Variants in STX11 observed in about 807,000 individuals in gnomAD.
STX11 encodes syntaxin 11.
STX11 carries 21 observed loss-of-function variants against 19.9 expected under a neutral mutation model. That is an observed-to-expected ratio of 1.06 (90% CI 0.75 to 1.52). The LOEUF (loss-of-function observed/expected upper bound fraction) is 1.52, where lower values mean the gene tolerates loss of function less well. Ranked by LOEUF, STX11 falls within the 40% of genes most tolerant of loss-of-function variation. The pLI is 0.00. For missense variants in STX11, 438 were observed against 405.9 expected, an observed-to-expected ratio of 1.08 and a Z score of -0.68; for synonymous variants, 193 against 174.4, an observed-to-expected ratio of 1.11 and a Z score of -0.84.
At chr6:144,168,569 A>G (rs77790824) in intron 1 of STX11, among the ~76,000 whole-genome samples, 4,787 of 152,290 alleles carry the variant, frequency 0.031, 97 homozygotes, top group Non-Finnish European at 0.047. Flanking sequence ...TATTTTTTGC[A>G]TATGTAAGGA....
intron 1 of STX11, among the ~76,000 whole-genome samples, chr6:144,156,101 A>C (rs1395122225): frequency 1.1e-5 from 1 of 92,526 alleles, no homozygotes; most frequent in Non-Finnish European, 2.0e-5. Flanking sequence ...TTTCCCTTTT[A>C]TTGCACAGGC....
chr6:144,172,459 C>T lies in STX11; in HGVS notation c.-5-14164C>T, dbSNP rs1003003169. 6.6e-6 allele frequency among the ~76,000 whole-genome samples: 1 copy of T among 152,122 alleles called. No homozygotes were observed. The highest frequency in any genetic ancestry group is 1.5e-5 in the Non-Finnish European group (1 of 68,028). On this transcript the variant is annotated intron_variant, in intron 1 of 1. Transcript: ENST00000367568. This position sits in a 1 kb window ranked among gnomAD's most constrained non-coding sequence, Gnocchi z 4.2. ...AGTGCTGTTGAAGCCTCTGCTTGCT[C>T]CATGTTTCCTCCCATCCTCTTGGTC...
chr6:144,168,169 T>G (rs1801531486), intron 1 of STX11, among the ~76,000 whole-genome samples: 2 of 152,238 alleles, frequency 1.3e-5, no homozygotes, highest in Non-Finnish European at 2.9e-5. Flanking sequence ...CAGTAATAGT[T>G]GAGGGACCAG....
chr6:144,167,422 C>T lies in STX11; in HGVS notation c.-6+16719C>T, dbSNP rs1372990031. On this transcript the variant is annotated intron_variant, in intron 1 of 1. Transcript: ENST00000367568. The surrounding 1 kb of genome is among the most constrained non-coding windows in gnomAD (Gnocchi z 5.0). ...TTTCATATATACCTATACACATAGC[C>T]TGAAGATAATTGTATACAATGTTTT... 6.6e-6 allele frequency among the ~76,000 whole-genome samples: 1 copy of T among 152,104 alleles called. No individual in the cohort carries two copies. The highest frequency in any genetic ancestry group is 1.5e-5 in the Non-Finnish European group (1 of 68,026).
chr6:144,149,561 TG>T (rs529769650), upstream of STX11, among the ~76,000 whole-genome samples: 160 of 152,158 alleles, frequency 1.1e-3, no homozygotes, highest in Non-Finnish European at 2.0e-3. The surrounding 1 kb of genome is among the most constrained non-coding windows in gnomAD (Gnocchi z 5.1). Context: ...ACTGCATCCT[TG>T]ACCTCTCAGC....
In STX11 at chr6:144,187,208, T is replaced by C. The variant is rs371929203; in HGVS notation, c.581T>C (p.Leu194Pro). 6.2e-7 allele frequency: 1 copy of C among 1,613,820 alleles called. No individual in the cohort carries two copies. Among genetic ancestry groups the C allele is most frequent in the Non-Finnish European group, 8.5e-7 (1 of 1,179,984 alleles). ...GKWDVFSENL[L>P]ADVKGARAAL... The stretch of plus-strand genomic sequence containing the variant: ...TGGGACGTGTTTTCCGAGAACTTGC[T>C]GGCCGACGTGAAGGGCGCGCGGGCC... The change falls in exon 2 of 2, where the codon CTG (leucine) becomes CCG (proline). Residue 194 changes from leucine (L) to proline (P), a missense_variant. Leu to Pro is a moderately conservative substitution (Grantham distance 98). Coordinates refer to ENST00000367568, the MANE Select transcript of STX11 (RefSeq NM_003764.4). The surrounding 1 kb of genome is among the most constrained non-coding windows in gnomAD (Gnocchi z 5.6).
In STX11 at chr6:144,180,298, G is replaced by A. The variant is rs1356424676; in HGVS notation, c.-5-6325G>A. 6.6e-6 allele frequency among the ~76,000 whole-genome samples: 1 copy of A among 152,178 alleles called. No individual in the cohort carries two copies. Among genetic ancestry groups the A allele is most frequent in the Non-Finnish European group, 1.5e-5 (1 of 68,028 alleles). ...CTTTAAATAATTCCCTTAGAGGCAT[G>A]TTGGGAACAATGACTTTCACAATTG... On this transcript the variant is annotated intron_variant, in intron 1 of 1. Transcript: ENST00000367568. This position sits in a 1 kb window ranked among gnomAD's most constrained non-coding sequence, Gnocchi z 5.3.
At position 144,175,202 on chromosome 6, in the gene STX11, C is replaced by T. The variant is rs1801748229; in HGVS notation, c.-5-11421C>T. Among the ~76,000 whole-genome samples, 1 of 151,094 alleles carries T rather than the reference C, an allele frequency of 6.6e-6. No homozygotes were observed. Among genetic ancestry groups the T allele is most frequent in the African/African-American group, 2.4e-5 (1 of 40,996 alleles). On this transcript the variant is annotated intron_variant, in intron 1 of 1. Coordinates refer to ENST00000367568, the MANE Select transcript of STX11 (RefSeq NM_003764.4). This position sits in a 1 kb window ranked among gnomAD's most constrained non-coding sequence, Gnocchi z 5.1. The stretch of plus-strand genomic sequence containing the variant: ...AGGCTGCAGTGAGCCATGATTGTGC[C>T]ACTGTACTCCAGCCTGGGCAACAGA...
At position 144,188,023 on chromosome 6, in the gene STX11, T is replaced by C. The variant is rs1478143546; in HGVS notation, c.*532T>C. On this transcript the variant is annotated 3_prime_UTR_variant, in exon 2 of 2. Coordinates refer to ENST00000367568, the MANE Select transcript of STX11 (RefSeq NM_003764.4). ...ACGCTATGCAATTCCTCCCCAAATA[T>C]AGATCTTATTTCTGCTCATTTCCCC... is the stretch of plus-strand genomic sequence containing the variant. The C allele has an allele frequency of 4.0e-6, 1 of 248,480 alleles. No individual in the cohort carries two copies. The allele number at this position is 248,480 out of a possible 1,614,324, so 15.4% of individuals were successfully genotyped here.
chr6:144,140,072 C>A, the STX11 span, among the ~76,000 whole-genome samples: 1 of 151,414 alleles, frequency 6.6e-6, no homozygotes, highest in African/African-American at 2.4e-5. Context: ...CTGACAGGAA[C>A]ATCCGTCAGC....
intron 1 of STX11, among the ~76,000 whole-genome samples, chr6:144,158,026 G>A (rs1801221054): frequency 6.6e-6 from 1 of 151,806 alleles, no homozygotes; most frequent in African/African-American, 2.4e-5. Flanking sequence ...AAAGTCCAGG[G>A]CCCCATTCTA....
chr6:144,183,485 A>G lies in STX11; in HGVS notation c.-5-3138A>G, dbSNP rs1801956860. ...ATGTCAAAACAAATGCACACTTGAAAAGCTTTTGATACATATTACTAAACT... is the reference window on the plus strand; with the variant it reads ...ATGTCAAAACAAATGCACACTTGAAGAGCTTTTGATACATATTACTAAACT... On this transcript the variant is annotated intron_variant, in intron 1 of 1. Transcript: ENST00000367568. The surrounding 1 kb of genome is among the most constrained non-coding windows in gnomAD (Gnocchi z 4.6). Among the ~76,000 whole-genome samples the G allele has an allele frequency of 6.6e-6, 1 of 152,242 alleles. No homozygotes were observed. Among genetic ancestry groups the G allele is most frequent in the Admixed American group, 6.5e-5 (1 of 15,294 alleles).
rs1043845063 is a variant in STX11, at chr6:144,175,302, A to G, written c.-5-11321A>G. Among the ~76,000 whole-genome samples the G allele has an allele frequency of 1.3e-5, 2 of 152,224 alleles. No homozygotes were observed. The highest frequency in any genetic ancestry group is 4.8e-5 in the African/African-American group (2 of 41,454). ...GTAGTTATCATTTGTTGAAGTCTCA[A>G]TATATGCTACTCTCATGAAAATGCT... On this transcript the variant is annotated intron_variant, in intron 1 of 1. Coordinates refer to ENST00000367568, the MANE Select transcript of STX11 (RefSeq NM_003764.4). This position sits in a 1 kb window ranked among gnomAD's most constrained non-coding sequence, Gnocchi z 5.1.
rs757373115 is a variant in STX11, at chr6:144,155,982, CTT to C, written c.-6+5281_-6+5282del. The stretch of plus-strand genomic sequence containing the variant: ...TCTTTCTTTCTTTCTTTCTTTCTTT[CTT>C]TCTTTCTTTCTTTCTTTCTTTCTTT... On this transcript the variant is annotated intron_variant, in intron 1 of 1. Transcript: ENST00000367568. This position sits in a 1 kb window ranked among gnomAD's most constrained non-coding sequence, Gnocchi z 4.5. Among the ~76,000 whole-genome samples, 108 of 131,352 alleles carry C rather than the reference CTT, an allele frequency of 8.2e-4. 2 individuals carry two copies. In the East Asian group the frequency reaches 0.012, roughly 15 times the overall value. The allele number at this position is 131,352 out of a possible 152,430, so 86.2% of individuals were successfully genotyped here. A position where few individuals can be genotyped will look rare whatever the true frequency, so the allele number is the denominator to read the frequency against.
In STX11 at chr6:144,172,884, TA is replaced by T. The variant is rs58005170; in HGVS notation, c.-5-13727del. Among the ~76,000 whole-genome samples the T allele has an allele frequency of 0.13, 18,079 of 144,250 alleles. 1,749 individuals carry two copies. The highest frequency in any genetic ancestry group is 0.46 in the East Asian group (2,321 of 5,022). 94.6% of individuals were successfully genotyped at this position (144,250 alleles called of 152,430 possible). On this transcript the variant is annotated intron_variant, in intron 1 of 1. Coordinates refer to ENST00000367568, the MANE Select transcript of STX11 (RefSeq NM_003764.4). This position sits in a 1 kb window ranked among gnomAD's most constrained non-coding sequence, Gnocchi z 4.2. Reference sequence around the variant, plus strand: ...GGATAACAAAAGTAGACACCCCATTTAAAAAAAAAAAAGAGCCATTAACAGG... The same window carrying T: ...GGATAACAAAAGTAGACACCCCATTTAAAAAAAAAAAGAGCCATTAACAGG...
rs1801261872 is a variant in STX11 at position 144,159,201 on chromosome 6, C to G, written c.-6+8498C>G. Among the ~76,000 whole-genome samples, 1 of 152,162 alleles carries G rather than the reference C, an allele frequency of 6.6e-6. No individual in the cohort carries two copies. Among genetic ancestry groups the G allele is most frequent in the Admixed American group, 6.5e-5 (1 of 15,268 alleles). ...CTATTTATCGAGGCTTTCCTATATG[C>G]CGGGTGCTCTGGAGTAAATGGTGCA... On this transcript the variant is annotated intron_variant, in intron 1 of 1. Transcript: ENST00000367568. This position sits in a 1 kb window ranked among gnomAD's most constrained non-coding sequence, Gnocchi z 4.3.
Position 144,175,857 on chromosome 6 carries a change from G to A in STX11, c.-5-10766G>A, listed in dbSNP as rs368000822. 1.6e-4 allele frequency among the ~76,000 whole-genome samples: 24 copies of A among 152,294 alleles called. No homozygotes were observed. The highest frequency in any genetic ancestry group is 4.1e-4 in the African/African-American group (17 of 41,560). On this transcript the variant is annotated intron_variant, in intron 1 of 1. Transcript: ENST00000367568. This position sits in a 1 kb window ranked among gnomAD's most constrained non-coding sequence, Gnocchi z 5.1. ...AAGCAGTCAGAGGCCAAAGGGTCTC[G>A]TTAGTGACCGATAAAGACAAGGTTG...
At position 144,189,183 on chromosome 6, in the gene STX11, C is replaced by T. The variant is rs748657267; in HGVS notation, c.*1692C>T. 3.2e-4 allele frequency among the ~76,000 whole-genome samples: 49 copies of T among 152,058 alleles called. No homozygotes were observed. Among genetic ancestry groups the T allele is most frequent in the Non-Finnish European group, 4.1e-4 (28 of 68,014 alleles). ...GACTACAGATATGTGCCACCATGCC[C>T]GGCTAATTTTTGTATTTTCTGTAGA... On this transcript the variant is annotated 3_prime_UTR_variant, in exon 2 of 2. Coordinates refer to ENST00000367568, the MANE Select transcript of STX11 (RefSeq NM_003764.4).
rs532358749 is a variant in STX11 at position 144,152,781 on chromosome 6, C to T, written c.-6+2078C>T. Among the ~76,000 whole-genome samples, 51 of 152,284 alleles carry T rather than the reference C, an allele frequency of 3.3e-4. No homozygotes were observed. In the South Asian group the frequency reaches 0.01, roughly 30 times the overall value. ...CCCAAGTAGCTGGGACTACAGACACCCACCACAACACCCGGCTAATTTTTG... is the reference window on the plus strand; with the variant it reads ...CCCAAGTAGCTGGGACTACAGACACTCACCACAACACCCGGCTAATTTTTG... On this transcript the variant is annotated intron_variant, in intron 1 of 1. Coordinates refer to ENST00000367568, the MANE Select transcript of STX11 (RefSeq NM_003764.4). This position sits in a 1 kb window ranked among gnomAD's most constrained non-coding sequence, Gnocchi z 4.9.
Sources: gnomAD v4.1 joint callset for allele counts (sites outside exome capture counted in the v4.1 genomes callset) on GRCh38, gnomAD v4.1.1 for gene constraint, Gnocchi (gnomAD v3.1) non-coding constraint, MANE v1.5 for transcripts, NCBI Gene and HGNC (gene_info 2026-07-23, HGNC 2026-07-21) for gene names.